PEBP1: variants seen among roughly 807,000 people sequenced by gnomAD.
PEBP1 encodes the protein phosphatidylethanolamine binding protein 1.
PEBP1 carries 17 observed loss-of-function variants against 22.7 expected under a neutral mutation model. The ratio of observed to expected loss-of-function variants is 0.75; its 90% confidence interval spans 0.51 to 1.12. The LOEUF (loss-of-function observed/expected upper bound fraction) is 1.12. Among genes scored for constraint, PEBP1 ranks in the 50% most tolerant of loss-of-function variants. The probability of loss-of-function intolerance (pLI) is 0.00; values close to 1 mark genes in which losing one functional copy is unlikely to be tolerated. For missense variants in PEBP1, 205 were observed against 243.5 expected (o/e 0.84, Z 1.05); for synonymous variants, 106 against 104.3 (o/e 1.02, Z -0.10).
In PEBP1 at chr12:118,144,730, T is replaced by G; in HGVS notation, c.491T>G (p.Val164Gly). 1 of 1,614,154 alleles carries G rather than the reference T, an allele frequency of 6.2e-7. No individual in the cohort carries two copies. Among genetic ancestry groups the G allele is most frequent in the Non-Finnish European group, 8.5e-7 (1 of 1,180,034 alleles). ...FRKKYELRAP[V>G]AGTCYQAEWD... ...AAAAAGTATGAGCTCAGGGCCCCGG[T>G]GGCTGGCACGTGTTACCAGGCCGAG... Residue 164 changes from valine to glycine, a missense_variant, in exon 4 of 4, where the codon GTG (valine) becomes GGG (glycine). Coordinates refer to ENST00000261313, the MANE Select transcript of PEBP1 (RefSeq NM_002567.4).
chr12:118,139,615 C>A, intron 3 of PEBP1, 64 bp downstream of exon 3: 1 of 986,800 alleles, frequency 1.0e-6, no homozygotes, highest in South Asian at 1.4e-5. Flanking sequence ...TAGGATTGAC[C>A]CAATGCTTTT....
At chr12:118,139,102 CAGG>C in intron 2 of PEBP1, 1 of 260,338 alleles carries the variant, frequency 3.8e-6, no homozygotes, top group Non-Finnish European at 7.6e-6. Flanking sequence ...ATCACGAGGT[CAGG>C]AGTTCAAGAC....
intron 2 of PEBP1, 145 bp downstream of exon 2, chr12:118,138,293 C>G: frequency 1.6e-6 from 1 of 642,572 alleles, no homozygotes; most frequent in Non-Finnish European, 2.8e-6. Context: ...TGCCCTTTTG[C>G]CCCCCTACAG....
intron 3 of PEBP1, among the ~76,000 whole-genome samples, chr12:118,142,826 CTTTTTTTTTTTTTTTTTTTTT>C (rs374392598): frequency 2.1e-5 from 2 of 93,650 alleles, no homozygotes; most frequent in African/African-American, 9.0e-5. Flanking sequence ...ACTACATTCA[CTTTTTTTTTTTTTTTTTTTTT>C]TTTTTTTTTT....
At chr12:118,140,448 G>T (rs1566199908) in intron 3 of PEBP1, among the ~76,000 whole-genome samples, 1 of 152,162 alleles carries the variant, frequency 6.6e-6, no homozygotes, top group Non-Finnish European at 1.5e-5. Flanking sequence ...CAGGGACCTA[G>T]TAAGTTCTCT....
rs1218365586 is a variant in PEBP1 at position 118,136,407 on chromosome 12, G to A, written c.135+63G>A. On this transcript the variant is annotated intron_variant, in intron 1 of 3. Coordinates refer to ENST00000261313, the MANE Select transcript of PEBP1 (RefSeq NM_002567.4). The surrounding 1 kb of genome is among the most constrained non-coding windows in gnomAD (Gnocchi z 5.6). Reference sequence around the variant, plus strand: ...GCGGAGGCCTGTGCCGGCCTCCTGGGTGGGACCCAGCGGAGACAGGGCCAG... The same window carrying A: ...GCGGAGGCCTGTGCCGGCCTCCTGGATGGGACCCAGCGGAGACAGGGCCAG... The A allele has an allele frequency of 6.7e-7, 1 of 1,489,838 alleles. No individual in the cohort carries two copies. Among genetic ancestry groups the A allele is most frequent in the East Asian group, 2.5e-5 (1 of 39,780 alleles). The allele number at this position is 1,489,838 out of a possible 1,614,324, so 92.3% of individuals were successfully genotyped here.
intron 1 of PEBP1, among the ~76,000 whole-genome samples, chr12:118,137,181 G>A (rs901274355): frequency 6.6e-6 from 1 of 152,142 alleles, no homozygotes; most frequent in African/African-American, 2.4e-5. Context: ...CACTTCAGCA[G>A]GCTCCAGGTA....
chr12:118,141,458 G>T (rs1328014995), intron 3 of PEBP1, among the ~76,000 whole-genome samples: 1 of 152,198 alleles, frequency 6.6e-6, no homozygotes, highest in Non-Finnish European at 1.5e-5. Flanking sequence ...CATGGACCAG[G>T]CACGGTGGCT....
intron 2 of PEBP1, among the ~76,000 whole-genome samples, chr12:118,138,480 C>T (rs113759899): frequency 0.1 from 15,506 of 152,102 alleles, 1,379 homozygotes; most frequent in East Asian, 0.32. Context: ...CTCACTGCAA[C>T]CTCCACCTCC....
chr12:118,137,988 GTTTCTTCAGCA>G, intron 1 of PEBP1, 40 bp from the exon 2 acceptor site: 1 of 1,292,638 alleles, frequency 7.7e-7, no homozygotes, highest in Non-Finnish European at 1.1e-6. Context: ...CACCCAGCCA[GTTTCTTCAGCA>G]TTTCTGACTT....
At position 118,139,489 on chromosome 12, in the gene PEBP1, A is replaced by G. The variant is rs55716409; in HGVS notation, c.284A>G (p.Asn95Ser). The G allele has an allele frequency of 1.2e-3, 1,928 of 1,613,228 alleles. 16 individuals carry two copies. In the African/African-American group the frequency reaches 0.022, roughly 19 times the overall value. ...TTCCTGGTGGTCAACATGAAGGGCA[A>G]TGACATCAGCAGTGGCACAGTCCTC... Reference protein sequence around the residue: ...HHFLVVNMKGNDISSGTVLSD... With the variant: ...HHFLVVNMKGSDISSGTVLSD... The change falls in exon 3 of 4, where the codon AAT becomes AGT. Residue 95 changes from asparagine (N) to serine (S), a missense_variant. By Grantham distance (46) the Asn-to-Ser change is conservative. Coordinates refer to ENST00000261313, the MANE Select transcript of PEBP1 (RefSeq NM_002567.4).
chr12:118,138,235 C>T (rs937961058), intron 2 of PEBP1, 87 bp downstream of exon 2: 6 of 925,188 alleles, frequency 6.5e-6, no homozygotes, highest in Non-Finnish European at 1.0e-5. Flanking sequence ...AGAAGTAGAC[C>T]TGGTTTGGGA....
chr12:118,143,869 C>T (rs541236313), intron 3 of PEBP1, among the ~76,000 whole-genome samples: 4 of 147,806 alleles, frequency 2.7e-5, no homozygotes, highest in East Asian at 4.0e-4. Flanking sequence ...CATGCCACTG[C>T]ACTCCACGCC....
intron 3 of PEBP1, among the ~76,000 whole-genome samples, chr12:118,140,596 G>A (rs976953864): frequency 1.5e-4 from 23 of 150,278 alleles, no homozygotes; most frequent in African/African-American, 5.6e-4. Context: ...CTGGAGTGCA[G>A]TGGCACGATC....
intron 3 of PEBP1, among the ~76,000 whole-genome samples, chr12:118,142,474 A>G (rs956532419): frequency 3.3e-5 from 5 of 149,744 alleles, no homozygotes; most frequent in Admixed American, 2.7e-4. Flanking sequence ...ATTACAGGCA[A>G]GAGCCACCAT....
intron 3 of PEBP1, among the ~76,000 whole-genome samples, chr12:118,143,905 CAA>C (rs5801270): frequency 4.5e-5 from 5 of 112,240 alleles, no homozygotes; most frequent in Admixed American, 9.3e-5. Context: ...GACTCCGTCT[CAA>C]AAAAAAAAAA....
At position 118,145,195 on chromosome 12, in the gene PEBP1, GT is replaced by G. The variant is rs1384991380; in HGVS notation, c.*394del. ...AAAAAAAAAAAAAAAAAAAAGATTG[GT>G]TGCCTCTGCCTTTGTGATCCTGAGT... On this transcript the variant is annotated 3_prime_UTR_variant, in exon 4 of 4. Coordinates refer to ENST00000261313, the MANE Select transcript of PEBP1 (RefSeq NM_002567.4). The G allele has an allele frequency of 1.3e-5, 5 of 373,296 alleles. No homozygotes were observed. Among genetic ancestry groups the G allele is most frequent in the African/African-American group, 1.1e-4 (5 of 46,704 alleles). 23.1% of individuals were successfully genotyped at this position (373,296 alleles called of 1,614,324 possible).
rs147065157 is a variant in PEBP1 at position 118,145,128 on chromosome 12, A to G, written c.*325A>G. 1,790 of 533,386 alleles carry G rather than the reference A, an allele frequency of 3.4e-3. 8 individuals carry two copies. The highest frequency in any genetic ancestry group is 3.9e-3 in the Non-Finnish European group (1,258 of 323,488). 33.0% of individuals were successfully genotyped at this position (533,386 alleles called of 1,614,324 possible). Reference sequence around the variant, plus strand: ...CTGGGGGGAAAAAGACCAGGTCTACAGTGATAGAGCAAAGCATCAAAGAAT... The same window carrying G: ...CTGGGGGGAAAAAGACCAGGTCTACGGTGATAGAGCAAAGCATCAAAGAAT... On this transcript the variant is annotated 3_prime_UTR_variant, in exon 4 of 4. Coordinates refer to ENST00000261313, the MANE Select transcript of PEBP1 (RefSeq NM_002567.4).
chr12:118,136,208 C>T lies in PEBP1; in HGVS notation c.-2C>T. ...CGGCTGCACGCTCTGCTTGGCCTCG[C>T]CATGCCGGTGGACCTCAGCAAGTGG... On this transcript the variant is annotated 5_prime_UTR_variant, in exon 1 of 4. Coordinates refer to ENST00000261313, the MANE Select transcript of PEBP1 (RefSeq NM_002567.4). The surrounding 1 kb of genome is among the most constrained non-coding windows in gnomAD (Gnocchi z 5.6). The T allele has an allele frequency of 6.5e-7, 1 of 1,545,216 alleles. No homozygotes were observed. The highest frequency in any genetic ancestry group is 1.4e-5 in the African/African-American group (1 of 72,978).
Sources: gnomAD v4.1 joint callset for allele counts (sites outside exome capture counted in the v4.1 genomes callset) on GRCh38, gnomAD v4.1.1 for gene constraint, Gnocchi (gnomAD v3.1) non-coding constraint, MANE v1.5 for transcripts, NCBI Gene and HGNC (gene_info 2026-07-23, HGNC 2026-07-21) for gene names.